ABCB11: variants seen among roughly 807,000 people sequenced by gnomAD.
ABCB11 encodes the protein bile salt export pump.
Under a neutral mutation model 148.0 loss-of-function variants are expected in ABCB11, and 95 were observed. The ratio of observed to expected loss-of-function variants is 0.64; its 90% confidence interval spans 0.54 to 0.76. The LOEUF (loss-of-function observed/expected upper bound fraction) is 0.76, where lower values mean the gene tolerates loss of function less well. Ranked by LOEUF, ABCB11 falls within the 30% of genes least tolerant of loss-of-function variation. The probability of loss-of-function intolerance (pLI) is 0.00; values close to 1 mark genes in which losing one functional copy is unlikely to be tolerated. For synonymous variants in ABCB11, 591 were observed against 555.4 expected (o/e 1.06, Z -0.90); for missense variants, 1,523 against 1,617.8 (o/e 0.94, Z 1.01).
chr2:169,027,408 T>C (rs995724027), intron 1 of ABCB11, among the ~76,000 whole-genome samples: 2 of 152,244 alleles, frequency 1.3e-5, no homozygotes, highest in African/African-American at 4.8e-5. Flanking sequence ...CGCTTCTGTT[T>C]AACTATTCAG....
intron 19 of ABCB11, among the ~76,000 whole-genome samples, chr2:168,957,739 A>G (rs1223683644): frequency 6.6e-6 from 1 of 151,514 alleles, no homozygotes; most frequent in Non-Finnish European, 1.5e-5. Flanking sequence ...TTTCTTTTTT[A>G]TAGGTACAAT....
chr2:168,989,604 T>C (rs1046584317), intron 9 of ABCB11, among the ~76,000 whole-genome samples: 14 of 152,126 alleles, frequency 9.2e-5, no homozygotes, highest in African/African-American at 3.4e-4. Context: ...TCCAGCTTTG[T>C]TCTTCTTGTT....
At chr2:168,918,287 G>A (rs2105866914), downstream of ABCB11, among the ~76,000 whole-genome samples, 1 of 152,278 alleles carries the variant, frequency 6.6e-6, no homozygotes, top group South Asian at 2.1e-4. Context: ...ACATTAAGAT[G>A]AACTAGGCAG....
intron 4 of ABCB11, 39 bp downstream of exon 4, chr2:169,014,264 C>T: frequency 1.3e-6 from 2 of 1,588,792 alleles, no homozygotes; most frequent in Middle Eastern, 1.7e-4. Context: ...CAATTTATAG[C>T]TGCACACCCA....
At chr2:168,955,412 C>T (rs1692744995) in intron 19 of ABCB11, among the ~76,000 whole-genome samples, 2 of 151,476 alleles carry the variant, frequency 1.3e-5, no homozygotes, top group Non-Finnish European at 3.0e-5. Context: ...AGGAAGCAAG[C>T]AGATCTTCAT....
At chr2:168,975,794 T>G (rs1049326823) in intron 12 of ABCB11, among the ~76,000 whole-genome samples, 13 of 148,454 alleles carry the variant, frequency 8.8e-5, no homozygotes, top group Non-Finnish European at 1.6e-4. Context: ...ATATATCACA[T>G]ATATATCATA....
At chr2:169,002,768 A>AG (rs1558920745) in intron 5 of ABCB11, among the ~76,000 whole-genome samples, 1 of 152,142 alleles carries the variant, frequency 6.6e-6, no homozygotes, top group African/African-American at 2.4e-5. Flanking sequence ...GGTAGTTACT[A>AG]AGGGCTAGAG....
At chr2:168,966,457 A>G (rs1045784516) in intron 17 of ABCB11, among the ~76,000 whole-genome samples, 1 of 151,850 alleles carries the variant, frequency 6.6e-6, no homozygotes, top group Non-Finnish European at 1.5e-5. Flanking sequence ...TGCATGTGCT[A>G]GGCAGGTTTA....
In ABCB11 at chr2:168,971,831, G is replaced by A. The variant is rs757829395; in HGVS notation, c.1638+16C>T. The A allele has an allele frequency of 1.9e-6, 3 of 1,610,300 alleles. No individual in the cohort carries two copies. The highest frequency in any genetic ancestry group is 3.3e-5 in the Admixed American group (2 of 59,862). The stretch of plus-strand genomic sequence containing the variant: ...TGACCTCTTAGTTTCTCCCAGGAAT[G>A]TATGGCTAGGGGTACCTGTGGCAGG... On this transcript the variant is annotated intron_variant, in intron 14 of 27. Coordinates refer to ENST00000650372, the MANE Select transcript of ABCB11 (RefSeq NM_003742.4).
intron 19 of ABCB11, among the ~76,000 whole-genome samples, chr2:168,953,635 T>A (rs1304031924): frequency 6.6e-6 from 1 of 151,622 alleles, no homozygotes; most frequent in East Asian, 1.9e-4. Context: ...ATTATTTTTT[T>A]AATCCATTCT....
At chr2:168,932,568 G>C (rs1464543700) in intron 23 of ABCB11, 35 bp from the exon 24 acceptor site, 1 of 1,606,692 alleles carries the variant, frequency 6.2e-7, no homozygotes, top group Non-Finnish European at 8.5e-7. Context: ...AGAGAGCAGG[G>C]TGGCGTGGTT....
rs779394916 is a variant in ABCB11, at chr2:168,952,677, G to GTT, written c.2343+5285_2343+5286dup. ...CAATTTTTTGTTTCATTGCTCCTTTGTTTTTTTTTTTTTGTTTGTTTCTAT... is the reference window on the plus strand; with the variant it reads ...CAATTTTTTGTTTCATTGCTCCTTTGTTTTTTTTTTTTTTTGTTTGTTTCTAT... On this transcript the variant is annotated intron_variant, in intron 19 of 27. Transcript: ENST00000650372. Among the ~76,000 whole-genome samples the GTT allele has an allele frequency of 5.0e-4, 47 of 93,530 alleles. 1 individual carries two copies. In the East Asian group the frequency reaches 6.3e-3, roughly 13 times the overall value. The allele number at this position is 93,530 out of a possible 152,430, so 61.4% of individuals were successfully genotyped here.
chr2:169,016,726 A>G (rs11568376), intron 3 of ABCB11, 52 bp downstream of exon 3: 99 of 1,489,160 alleles, frequency 6.6e-5, no homozygotes, highest in Non-Finnish European at 8.5e-5. Flanking sequence ...TGATATGAAT[A>G]TTATGGAGTT....
rs1691128300 is a variant in ABCB11, at chr2:168,922,796, G to A, written c.*826C>T. 1 of 152,146 alleles carries A rather than the reference G, an allele frequency of 6.6e-6. No homozygotes were observed. Among genetic ancestry groups the A allele is most frequent in the African/African-American group, 2.4e-5 (1 of 41,426 alleles). The allele number at this position is 152,146 out of a possible 1,614,324, so 9.4% of individuals were successfully genotyped here. A position where few individuals can be genotyped will look rare whatever the true frequency, so the allele number is the denominator to read the frequency against. ...TAAAACCTTATGAAACTACAGCAAA[G>A]TAAAATGCGCTATTTTCATTTCATG... is the stretch of plus-strand genomic sequence containing the variant. On this transcript the variant is annotated 3_prime_UTR_variant, in exon 28 of 28. Coordinates refer to ENST00000650372, the MANE Select transcript of ABCB11 (RefSeq NM_003742.4).
chr2:168,994,835 C>T (rs1694663465), intron 7 of ABCB11, among the ~76,000 whole-genome samples: 1 of 151,990 alleles, frequency 6.6e-6, no homozygotes, highest in Non-Finnish European at 1.5e-5. Flanking sequence ...CATTGTGTTC[C>T]AGCAGGGTTA....
At chr2:168,960,518 A>G (rs1693021590) in intron 18 of ABCB11, among the ~76,000 whole-genome samples, 1 of 151,712 alleles carries the variant, frequency 6.6e-6, no homozygotes, top group African/African-American at 2.4e-5. Flanking sequence ...TCTAAACAAC[A>G]ACACTTAGGA....
intron 14 of ABCB11, 72 bp from the exon 15 acceptor site, chr2:168,970,287 T>G: frequency 6.4e-7 from 1 of 1,557,586 alleles, no homozygotes; most frequent in South Asian, 1.2e-5. Context: ...CACTATAATG[T>G]CCTTTCTGTC....
At chr2:168,994,718 A>C (rs1694660229) in intron 7 of ABCB11, among the ~76,000 whole-genome samples, 1 of 152,104 alleles carries the variant, frequency 6.6e-6, no homozygotes, top group South Asian at 2.1e-4. Flanking sequence ...AATTATATTA[A>C]ATTCATATTC....
chr2:169,006,585 A>T (rs1695026424), intron 5 of ABCB11, among the ~76,000 whole-genome samples: 1 of 149,726 alleles, frequency 6.7e-6, no homozygotes, highest in Non-Finnish European at 1.5e-5. Context: ...AAATAAAATA[A>T]AAAAGGCAGC....
Sources: gnomAD v4.1 joint callset for allele counts (sites outside exome capture counted in the v4.1 genomes callset) on GRCh38, gnomAD v4.1.1 for gene constraint, MANE v1.5 for transcripts, NCBI Gene and HGNC (gene_info 2026-07-23, HGNC 2026-07-21) for gene names.